Variants in RAB3C observed in about 807,000 individuals in gnomAD.
RAB3C encodes ras-related protein Rab-3C.
Under a neutral mutation model 26.4 loss-of-function variants are expected in RAB3C, and 17 were observed. The ratio of observed to expected loss-of-function variants is 0.64; its 90% CI spans 0.44 to 0.97. The LOEUF is 0.97. Ranked by LOEUF, RAB3C falls within the 50% of genes least tolerant of loss-of-function variation. The pLI, the probability that RAB3C is intolerant of heterozygous loss-of-function variation, is 0.00. For synonymous variants in RAB3C, 91 were observed against 95.9 expected (o/e 0.95, Z 0.30); for missense variants, 242 against 281.9 (o/e 0.86, Z 1.01).
At chr5:58,767,663 T>C (rs558704273) in intron 3 of RAB3C, among the ~76,000 whole-genome samples, 29 of 152,224 alleles carry the variant, frequency 1.9e-4, no homozygotes, top group African/African-American at 6.8e-4. Context: ...ATTCTTCTGA[T>C]ATTGCTACTA....
At chr5:58,652,069 A>T (rs560588266) in intron 2 of RAB3C, among the ~76,000 whole-genome samples, 1 of 152,122 alleles carries the variant, frequency 6.6e-6, no homozygotes, top group South Asian at 2.1e-4. Flanking sequence ...ATGGATCTGG[A>T]GGGCAGGCTG....
chr5:58,675,155 A>T (rs1168578233), intron 2 of RAB3C, among the ~76,000 whole-genome samples: 1 of 151,962 alleles, frequency 6.6e-6, no homozygotes, highest in Non-Finnish European at 1.5e-5. Context: ...TCTCAGGCTC[A>T]ATATCTACCT....
chr5:58,830,789 T>G (rs1743594864), intron 4 of RAB3C, among the ~76,000 whole-genome samples: 1 of 152,080 alleles, frequency 6.6e-6, no homozygotes, highest in South Asian at 2.1e-4. Flanking sequence ...CAGGAAAAAT[T>G]GTAATAGCAG....
At chr5:58,666,863 A>G (rs1417879948) in intron 2 of RAB3C, among the ~76,000 whole-genome samples, 1 of 152,224 alleles carries the variant, frequency 6.6e-6, no homozygotes, top group African/African-American at 2.4e-5. Flanking sequence ...CTGGGTGGAA[A>G]TATGAAAACA....
At chr5:58,797,374 T>TATATA (rs1561133569) in intron 3 of RAB3C, among the ~76,000 whole-genome samples, 6 of 103,746 alleles carry the variant, frequency 5.8e-5, no homozygotes, top group African/African-American at 2.5e-4. Context: ...ATATAATATA[T>TATATA]ATATATATAT....
chr5:58,593,785 A>C (rs964862095), intron 1 of RAB3C, among the ~76,000 whole-genome samples: 3 of 152,198 alleles, frequency 2.0e-5, no homozygotes, highest in African/African-American at 7.2e-5. Flanking sequence ...TTCACTAAAC[A>C]ATGAAGCCAT....
intron 2 of RAB3C, among the ~76,000 whole-genome samples, chr5:58,698,863 G>A (rs971202669): frequency 2.0e-5 from 3 of 152,104 alleles, no homozygotes; most frequent in Non-Finnish European, 4.4e-5. Context: ...CTTGTGATGG[G>A]TTCGAGCATC....
chr5:58,677,297 A>G (rs1328669922), intron 2 of RAB3C, among the ~76,000 whole-genome samples: 2 of 152,218 alleles, frequency 1.3e-5, no homozygotes, highest in African/African-American at 4.8e-5. Context: ...GGCACTGGCA[A>G]CTAGGATTTG....
At chr5:58,694,422 G>T (rs1579862351) in intron 2 of RAB3C, among the ~76,000 whole-genome samples, 1 of 152,194 alleles carries the variant, frequency 6.6e-6, no homozygotes, top group Non-Finnish European at 1.5e-5. Flanking sequence ...ATAGTAGCAT[G>T]ATTTATAATC....
chr5:58,753,834 A>G (rs67537855), intron 3 of RAB3C, among the ~76,000 whole-genome samples: 21,272 of 152,184 alleles, frequency 0.14, 1,619 homozygotes, highest in African/African-American at 0.19. Context: ...GTATACAAGG[A>G]GACCTGGAGG....
intron 4 of RAB3C, among the ~76,000 whole-genome samples, chr5:58,837,557 CTT>C (rs36020735): frequency 1.4e-4 from 17 of 118,832 alleles, no homozygotes; most frequent in Admixed American, 1.8e-4. Context: ...TTCAGTCTCT[CTT>C]TTTTTTTTTT....
At chr5:58,643,274 T>C (rs960428507) in intron 2 of RAB3C, among the ~76,000 whole-genome samples, 2 of 152,230 alleles carry the variant, frequency 1.3e-5, no homozygotes, top group Non-Finnish European at 2.9e-5. Context: ...ATTGTCCTTT[T>C]AAGCTGAAAG....
intron 3 of RAB3C, among the ~76,000 whole-genome samples, chr5:58,770,555 T>C (rs1742010354): frequency 6.6e-6 from 1 of 152,186 alleles, no homozygotes; most frequent in African/African-American, 2.4e-5. Context: ...TTCCCCTCTA[T>C]GTTTCTTATT....
intron 2 of RAB3C, among the ~76,000 whole-genome samples, chr5:58,627,469 CTT>C (rs1561271427): frequency 5.0e-5 from 2 of 40,232 alleles, no homozygotes; most frequent in Non-Finnish European, 9.6e-5. Context: ...GAGACTCCGT[CTT>C]AAAAAAAAAA....
chr5:58,857,337 T>C lies in RAB3C; in HGVS notation c.*5986T>C, dbSNP rs1744286492. The C allele has an allele frequency of 6.6e-6, 1 of 152,194 alleles. No individual in the cohort carries two copies. The highest frequency in any genetic ancestry group is 2.1e-4 in the South Asian group (1 of 4,834). The allele number at this position is 152,194 out of a possible 1,614,324, so 9.4% of individuals were successfully genotyped here. ...AACATTTAGTATCTGGAAATATGTG[T>C]CAATTTTATCTCTTAGAATTGTGGA... On this transcript the variant is annotated 3_prime_UTR_variant, in exon 5 of 5. Coordinates refer to ENST00000282878, the MANE Select transcript of RAB3C (RefSeq NM_138453.4).
At chr5:58,654,769 C>T (rs984291095) in intron 2 of RAB3C, among the ~76,000 whole-genome samples, 2 of 152,102 alleles carry the variant, frequency 1.3e-5, no homozygotes, top group Non-Finnish European at 1.5e-5. Context: ...TCCAAAAATG[C>T]TTAAACATGT....
At chr5:58,687,777 T>G (rs1017580401) in intron 2 of RAB3C, among the ~76,000 whole-genome samples, 1 of 152,130 alleles carries the variant, frequency 6.6e-6, no homozygotes, top group Non-Finnish European at 1.5e-5. Flanking sequence ...CAAGATATAC[T>G]AAAGAAATAA....
chr5:58,664,083 T>G (rs927547497), intron 2 of RAB3C, among the ~76,000 whole-genome samples: 2 of 152,208 alleles, frequency 1.3e-5, no homozygotes, highest in African/African-American at 2.4e-5. Flanking sequence ...GAATTACACT[T>G]ATAGAAATTC....
chr5:58,722,002 AT>A (rs1561300307), intron 2 of RAB3C, among the ~76,000 whole-genome samples: 4 of 151,610 alleles, frequency 2.6e-5, no homozygotes, highest in Non-Finnish European at 4.4e-5. Context: ...TGGCTATTCA[AT>A]CCATGGGTTC....
Sources: gnomAD v4.1 joint callset for allele counts (sites outside exome capture counted in the v4.1 genomes callset) on GRCh38, gnomAD v4.1.1 for gene constraint, MANE v1.5 for transcripts, NCBI Gene and HGNC (gene_info 2026-07-23, HGNC 2026-07-21) for gene names.